DPP10: variants seen among roughly 807,000 people sequenced by gnomAD.
The protein encoded by DPP10 is dipeptidyl peptidase like 10.
A neutral mutation model predicts 120.9 loss-of-function variants in DPP10; 33 were observed. The observed-to-expected ratio is 0.27, with a 90% CI of 0.21 to 0.37. The LOEUF is 0.37. Among genes scored for constraint, DPP10 ranks in the 10% least tolerant of loss-of-function variants. The probability of loss-of-function intolerance (pLI) is 1.00; values close to 1 mark genes in which losing one functional copy is unlikely to be tolerated. For synonymous variants in DPP10, 337 were observed against 326.1 expected (o/e 1.03, Z -0.36); for missense variants, 816 against 942.8 (o/e 0.87, Z 1.76).
rs73946585 is a variant in DPP10, at chr2:115,656,908, G to A, written c.442-32779G>A. ...TATTATGATGGTTGCCAGGGACTGC[G>A]TGAGGAGAAAAATGGAAAATTATTT... On this transcript the variant is annotated intron_variant, in intron 5 of 25. Transcript: ENST00000410059. Among the ~76,000 whole-genome samples the A allele has an allele frequency of 3.3e-3, 494 of 151,622 alleles. 2 individuals are homozygous for A. The highest frequency in any genetic ancestry group is 0.011 in the African/African-American group (476 of 41,492).
intron 3 of DPP10, among the ~76,000 whole-genome samples, chr2:115,486,529 A>G (rs2075789043): frequency 1.3e-5 from 2 of 152,140 alleles, no homozygotes; most frequent in African/African-American, 4.8e-5. Context: ...CTCAAGTGGA[A>G]GAGAAGCATG....
chr2:115,728,497 G>A (rs938634913), intron 8 of DPP10, among the ~76,000 whole-genome samples: 3 of 152,020 alleles, frequency 2.0e-5, no homozygotes, highest in Non-Finnish European at 4.4e-5. Flanking sequence ...TTTTTATCAC[G>A]TACCAATTAT....
chr2:114,598,563 G>C (rs1692112719), intron 1 of DPP10, among the ~76,000 whole-genome samples: 1 of 151,834 alleles, frequency 6.6e-6, no homozygotes, highest in Admixed American at 6.6e-5. Flanking sequence ...AACTTGAGGA[G>C]GAGTGCCTGA....
chr2:114,584,000 G>A (rs1461063000), intron 1 of DPP10, among the ~76,000 whole-genome samples: 2 of 151,978 alleles, frequency 1.3e-5, no homozygotes, highest in African/African-American at 4.8e-5. Flanking sequence ...AAGACTTTAA[G>A]GTATTTACCT....
chr2:115,088,676 C>T (rs565111929), intron 1 of DPP10, among the ~76,000 whole-genome samples: 10 of 137,470 alleles, frequency 7.3e-5, no homozygotes, highest in African/African-American at 2.7e-4. Context: ...AAATTCCTGG[C>T]CTCAAGCAAC....
chr2:115,405,784 G>A lies in DPP10; in HGVS notation c.271+61872G>A, dbSNP rs527871982. The stretch of plus-strand genomic sequence containing the variant: ...CCTGGGATCCCTTGAACCATGGCTG[G>A]AACAGCCAGAGCAGCTGGGATGCAT... On this transcript the variant is annotated intron_variant, in intron 3 of 25. Transcript: ENST00000410059. Among the ~76,000 whole-genome samples the A allele has an allele frequency of 1.4e-4, 22 of 152,318 alleles. 1 individual carries two copies. The South Asian group carries it at 4.3e-3, about 30-fold the overall frequency.
chr2:114,461,259 G>A (rs1678896262), intron 1 of DPP10, among the ~76,000 whole-genome samples: 1 of 152,128 alleles, frequency 6.6e-6, no homozygotes, highest in Non-Finnish European at 1.5e-5. Flanking sequence ...ACCCCTGCGA[G>A]CCCCCATTGG....
intron 5 of DPP10, among the ~76,000 whole-genome samples, chr2:115,630,260 C>A (rs1202339959): frequency 2.6e-5 from 4 of 152,048 alleles, no homozygotes; most frequent in Admixed American, 1.3e-4. Context: ...GATTTTGTAT[C>A]CTGAGACTTT....
At chr2:115,827,287 A>T (rs28817019) in intron 21 of DPP10, among the ~76,000 whole-genome samples, 2 of 147,600 alleles carry the variant, frequency 1.4e-5, no homozygotes, top group Non-Finnish European at 3.0e-5. Context: ...ATACACATAC[A>T]TATATACACA....
chr2:114,893,658 A>C (rs1204881375), intron 1 of DPP10, among the ~76,000 whole-genome samples: 3 of 152,168 alleles, frequency 2.0e-5, no homozygotes, highest in African/African-American at 7.2e-5. Context: ...TTTCAAAACA[A>C]AGTTTGATCT....
At chr2:114,743,302 G>A (rs1471470644) in intron 1 of DPP10, among the ~76,000 whole-genome samples, 2 of 151,944 alleles carry the variant, frequency 1.3e-5, no homozygotes, top group East Asian at 1.9e-4. Flanking sequence ...AACTGTCTTC[G>A]GGAAGAAGGC....
At chr2:115,834,182 A>G (rs1021880668) in intron 21 of DPP10, among the ~76,000 whole-genome samples, 2 of 152,204 alleles carry the variant, frequency 1.3e-5, no homozygotes, top group Non-Finnish European at 2.9e-5. Context: ...TCCATTCAGT[A>G]ATGAATGACT....
intron 1 of DPP10, among the ~76,000 whole-genome samples, chr2:115,135,369 A>T (rs1462093636): frequency 6.6e-6 from 1 of 151,960 alleles, no homozygotes; most frequent in East Asian, 1.9e-4. Flanking sequence ...ACCTTCTTGC[A>T]TACTGGCCCA....
chr2:115,520,492 G>A (rs1350202996), intron 4 of DPP10, among the ~76,000 whole-genome samples: 5 of 134,514 alleles, frequency 3.7e-5, no homozygotes, highest in Non-Finnish European at 7.9e-5. Context: ...GAATTATTCA[G>A]CCAAAGCTCC....
chr2:115,468,645 G>A, intron 3 of DPP10: 1 of 368,858 alleles, frequency 2.7e-6, no homozygotes, highest in Non-Finnish European at 5.3e-6. Flanking sequence ...GGTCATGCCT[G>A]ATCTCTACTT....
At chr2:114,507,050 C>CTTT (rs1227607834) in intron 1 of DPP10, among the ~76,000 whole-genome samples, 4 of 124,766 alleles carry the variant, frequency 3.2e-5, no homozygotes, top group East Asian at 2.1e-4. Context: ...CTTTTTTTTT[C>CTTT]TTTTTTTTTT....
At chr2:114,846,797 G>A (rs1323495734) in intron 1 of DPP10, among the ~76,000 whole-genome samples, 2 of 152,014 alleles carry the variant, frequency 1.3e-5, no homozygotes, top group African/African-American at 4.8e-5. Flanking sequence ...GATCATCCTG[G>A]CTACTTCCAA....
chr2:114,795,827 G>C (rs986821335), intron 1 of DPP10, among the ~76,000 whole-genome samples: 2 of 151,922 alleles, frequency 1.3e-5, no homozygotes, highest in Non-Finnish European at 2.9e-5. Flanking sequence ...AAATATACAC[G>C]AATCTATTAT....
At chr2:115,264,723 T>TCA (rs1175693946) in intron 1 of DPP10, among the ~76,000 whole-genome samples, 2 of 152,190 alleles carry the variant, frequency 1.3e-5, no homozygotes, top group East Asian at 3.9e-4. Context: ...GACAAAGATG[T>TCA]CACATATTTT....
Sources: gnomAD v4.1 joint callset for allele counts (sites outside exome capture counted in the v4.1 genomes callset) on GRCh38, gnomAD v4.1.1 for gene constraint, MANE v1.5 for transcripts, NCBI Gene and HGNC (gene_info 2026-07-23, HGNC 2026-07-21) for gene names.